TNR: variants seen among roughly 807,000 people sequenced by gnomAD.
TNR encodes the protein tenascin R, also known as tenascin-R.
Under a neutral mutation model 150.4 loss-of-function variants are expected in TNR, and 45 were observed. That is an observed-to-expected ratio of 0.30 (90% CI 0.24 to 0.38). The LOEUF (loss-of-function observed/expected upper bound fraction) is 0.38, where lower values mean the gene tolerates loss of function less well. TNR is among the 10% of genes least tolerant of loss of function. TNR has a pLI of 1.00. For synonymous variants in TNR, 687 were observed against 678.4 expected, an observed-to-expected ratio of 1.01 and a Z score of -0.20; for missense variants, 1,544 against 1,759.1, an observed-to-expected ratio of 0.88 and a Z score of 2.19.
intron 18 of TNR, among the ~76,000 whole-genome samples, chr1:175,350,138 G>A (rs1020056750): frequency 6.6e-6 from 1 of 152,208 alleles, no homozygotes; most frequent in Non-Finnish European, 1.5e-5. Context: ...AAAAGCTGAA[G>A]CTTGTGTTAG....
chr1:175,480,443 G>GAA (rs199763120), intron 2 of TNR, among the ~76,000 whole-genome samples: 95 of 94,712 alleles, frequency 1.0e-3, no homozygotes, highest in African/African-American at 4.0e-3. Context: ...AAGAAAGAAA[G>GAA]AGAAAGAAAG....
intron 2 of TNR, among the ~76,000 whole-genome samples, chr1:175,435,079 G>T (rs2102074286): frequency 6.6e-6 from 1 of 152,336 alleles, no homozygotes; most frequent in East Asian, 1.9e-4. Context: ...TTGGGAAACT[G>T]TTGGAGAGTT....
chr1:175,399,684 C>T (rs1653605887), intron 4 of TNR, among the ~76,000 whole-genome samples: 1 of 152,192 alleles, frequency 6.6e-6, no homozygotes, highest in South Asian at 2.1e-4. Context: ...TCAATGAATT[C>T]ACGGTGGGTG....
At chr1:175,490,391 A>C (rs984763542) in intron 2 of TNR, among the ~76,000 whole-genome samples, 2 of 152,236 alleles carry the variant, frequency 1.3e-5, no homozygotes, top group Non-Finnish European at 2.9e-5. Flanking sequence ...AGTAAACTAA[A>C]GAGCTTCTGC....
intron 2 of TNR, among the ~76,000 whole-genome samples, chr1:175,470,894 G>T (rs767702035): frequency 1.1e-4 from 17 of 152,206 alleles, no homozygotes; most frequent in Non-Finnish European, 2.5e-4. Flanking sequence ...TGGGCATGAG[G>T]TGGGAACTCG....
chr1:175,470,332 G>T (rs906722363), intron 2 of TNR, among the ~76,000 whole-genome samples: 1 of 152,060 alleles, frequency 6.6e-6, no homozygotes, highest in Non-Finnish European at 1.5e-5. Flanking sequence ...GCATGCAAAG[G>T]GCCGCAGGGG....
At chr1:175,640,834 T>G (rs375591694) in intron 1 of TNR, among the ~76,000 whole-genome samples, 1 of 151,798 alleles carries the variant, frequency 6.6e-6, no homozygotes, top group Non-Finnish European at 1.5e-5. Context: ...AAAATAACTA[T>G]AAATTACCAG....
chr1:175,335,530 G>A, intron 20 of TNR, 181 bp downstream of exon 20: 1 of 574,716 alleles, frequency 1.7e-6, no homozygotes, highest in Non-Finnish European at 3.1e-6. Flanking sequence ...AAACACCACA[G>A]TAAGATAAAA....
intron 18 of TNR, among the ~76,000 whole-genome samples, chr1:175,340,961 A>G (rs546299305): frequency 4.6e-5 from 7 of 152,242 alleles, no homozygotes; most frequent in South Asian, 2.1e-4. Context: ...ATTGAGTGCG[A>G]TAGGAAGGAG....
At position 175,529,802 on chromosome 1, in the gene TNR, G is replaced by A. The variant is rs117464678; in HGVS notation, c.-164-1433C>T. On this transcript the variant is annotated intron_variant, in intron 1 of 22. Coordinates refer to ENST00000367674, the MANE Select transcript of TNR (RefSeq NM_003285.3). ...TTCTTTTCCTCATCCTCACCTGTGA[G>A]GTGCTAACCTCACTCTCAGAAAGCT... 9.4e-4 allele frequency among the ~76,000 whole-genome samples: 143 copies of A among 152,184 alleles called. 1 individual carries two copies. The East Asian group carries it at 0.021, about 23-fold the overall frequency.
chr1:175,683,064 C>T lies in TNR; in HGVS notation c.-165+60162G>A, dbSNP rs1666086797. On this transcript the variant is annotated intron_variant, in intron 1 of 22. Transcript: ENST00000367674. ...GGATTGGCACCAACTTGACTGTAGT[C>T]TGTGGGCCTGTGACAGTTCTTCCTG... Among the ~76,000 whole-genome samples, 3 of 152,136 alleles carry T rather than the reference C, an allele frequency of 2.0e-5. No individual in the cohort carries two copies. The South Asian group carries it at 6.2e-4, about 32-fold the overall frequency.
intron 1 of TNR, among the ~76,000 whole-genome samples, chr1:175,611,136 A>T (rs1032185712): frequency 1.3e-5 from 2 of 152,200 alleles, no homozygotes; most frequent in African/African-American, 4.8e-5. Flanking sequence ...ACCTTAAAAA[A>T]TTGCAGGCTA....
chr1:175,508,398 C>T (rs1659040481), intron 2 of TNR, among the ~76,000 whole-genome samples: 1 of 152,196 alleles, frequency 6.6e-6, no homozygotes, highest in Admixed American at 6.5e-5. Flanking sequence ...TCCTGGTATT[C>T]ACACCCTTGT....
intron 2 of TNR, among the ~76,000 whole-genome samples, chr1:175,438,514 G>A (rs1228423410): frequency 6.6e-6 from 1 of 152,124 alleles, no homozygotes; most frequent in African/African-American, 2.4e-5. Context: ...ACATAGTGTT[G>A]GAAGTTCTGG....
At chr1:175,576,460 A>G (rs988117540) in intron 1 of TNR, among the ~76,000 whole-genome samples, 1 of 152,174 alleles carries the variant, frequency 6.6e-6, no homozygotes, top group Non-Finnish European at 1.5e-5. Flanking sequence ...TGCACAGGCC[A>G]TCATGATTAC....
intron 1 of TNR, among the ~76,000 whole-genome samples, chr1:175,713,104 C>G (rs1453059806): frequency 6.6e-6 from 1 of 152,164 alleles, no homozygotes; most frequent in Admixed American, 6.5e-5. Flanking sequence ...AGCGATAATG[C>G]TGGACGATAG....
chr1:175,661,370 T>C lies in TNR; in HGVS notation c.-165+81856A>G, dbSNP rs543592962. Among the ~76,000 whole-genome samples the C allele has an allele frequency of 5.9e-5, 9 of 152,332 alleles. 1 individual carries two copies. In the South Asian group the frequency reaches 1.9e-3, roughly 32 times the overall value. The stretch of plus-strand genomic sequence containing the variant: ...TAAATGATAAAGATAGTCACTGTTT[T>C]AAGCCCCCCTAAATGTTGATGTAAT... On this transcript the variant is annotated intron_variant, in intron 1 of 22. Coordinates refer to ENST00000367674, the MANE Select transcript of TNR (RefSeq NM_003285.3).
At chr1:175,685,757 C>G (rs1451700630) in intron 1 of TNR, among the ~76,000 whole-genome samples, 2 of 152,110 alleles carry the variant, frequency 1.3e-5, no homozygotes, top group African/African-American at 4.8e-5. Context: ...AATCATCCCC[C>G]CAAACATCTC....
At chr1:175,605,298 G>C (rs915172308) in intron 1 of TNR, among the ~76,000 whole-genome samples, 1 of 152,206 alleles carries the variant, frequency 6.6e-6, no homozygotes, top group African/African-American at 2.4e-5. Flanking sequence ...TCTGCAAAAT[G>C]GTTATACCTA....
Sources: gnomAD v4.1 joint callset for allele counts (sites outside exome capture counted in the v4.1 genomes callset) on GRCh38, gnomAD v4.1.1 for gene constraint, MANE v1.5 for transcripts, NCBI Gene and HGNC (gene_info 2026-07-23, HGNC 2026-07-21) for gene names.